Variants in CNTNAP2 observed in about 807,000 individuals in gnomAD.
The protein encoded by CNTNAP2 is contactin-associated protein-like 2.
A neutral mutation model predicts 155.2 loss-of-function variants in CNTNAP2; 98 were observed. That is an observed-to-expected ratio of 0.63 (90% CI 0.54 to 0.75). The LOEUF (loss-of-function observed/expected upper bound fraction) is 0.75, where lower values mean the gene tolerates loss of function less well. CNTNAP2 is among the 30% of genes least tolerant of loss of function. The pLI is 0.00. For missense variants in CNTNAP2, 1,727 were observed against 1,688.1 expected, an observed-to-expected ratio of 1.02 and a Z score of -0.40; for synonymous variants, 651 against 631.2, an observed-to-expected ratio of 1.03 and a Z score of -0.47.
rs887609185 is a variant in CNTNAP2, at chr7:147,977,986, G to A, written c.2380G>A (p.Asp794Asn). 4 of 1,613,866 alleles carry A rather than the reference G, an allele frequency of 2.5e-6. No homozygotes were observed. In the African/African-American group the frequency reaches 5.3e-5, roughly 22 times the overall value. Residue 794 changes from aspartate to asparagine, a missense_variant, in exon 15 of 24, where the codon GAC (aspartate) becomes AAC (asparagine). Transcript: ENST00000361727. The part of the protein sequence containing the change: ...LSVGPLRCQG[D>N]RNYWNAASFP... ...CGTAGGTCCTCTGCGCTGCCAAGGA[G>A]ACAGTAAGTTTGCATAGCAGCTATG...
chr7:147,290,313 C>G (rs926205417), intron 8 of CNTNAP2, among the ~76,000 whole-genome samples: 3 of 152,108 alleles, frequency 2.0e-5, no homozygotes, highest in Non-Finnish European at 4.4e-5. Context: ...AACTTAGGAA[C>G]ACTAAAGAGC....
At position 147,677,211 on chromosome 7, in the gene CNTNAP2, G is replaced by A. The variant is rs376533400; in HGVS notation, c.2098+37905G>A. On this transcript the variant is annotated intron_variant, in intron 13 of 23. Coordinates refer to ENST00000361727, the MANE Select transcript of CNTNAP2 (RefSeq NM_014141.6). ...GTCTTTTTGACGTTCTGAGAAGTATGAGGTCATGTCACATTGTAGTTTTAA... is the reference window on the plus strand; with the variant it reads ...GTCTTTTTGACGTTCTGAGAAGTATAAGGTCATGTCACATTGTAGTTTTAA... Among the ~76,000 whole-genome samples the A allele has an allele frequency of 3.3e-5, 5 of 151,894 alleles. 1 individual carries two copies. Among genetic ancestry groups the A allele is most frequent in the African/African-American group, 1.2e-4 (5 of 41,498 alleles).
chr7:148,023,118 T>C (rs1802314493), intron 15 of CNTNAP2, among the ~76,000 whole-genome samples: 1 of 152,174 alleles, frequency 6.6e-6, no homozygotes, highest in African/African-American at 2.4e-5. Flanking sequence ...TCATTCTGAA[T>C]TAAACCGCAG....
chr7:147,178,439 G>T, intron 8 of CNTNAP2, among the ~76,000 whole-genome samples: 1 of 152,186 alleles, frequency 6.6e-6, no homozygotes, highest in East Asian at 1.9e-4. Context: ...TGCCAACACT[G>T]GGTTTTAGTC....
chr7:147,864,308 C>G lies in CNTNAP2; in HGVS notation c.2099-39257C>G, dbSNP rs969589971. On this transcript the variant is annotated intron_variant, in intron 13 of 23. Coordinates refer to ENST00000361727, the MANE Select transcript of CNTNAP2 (RefSeq NM_014141.6). Reference sequence around the variant, plus strand: ...CTATATATCTGTTTTGGCACCAATACCATGCTGTTTTGGTTACTGTAGCCT... The same window carrying G: ...CTATATATCTGTTTTGGCACCAATAGCATGCTGTTTTGGTTACTGTAGCCT... 2.0e-5 allele frequency among the ~76,000 whole-genome samples: 3 copies of G among 152,160 alleles called. No homozygotes were observed. In the East Asian group the frequency reaches 5.8e-4, roughly 29 times the overall value.
At chr7:147,528,633 G>A (rs1799372230) in intron 11 of CNTNAP2, among the ~76,000 whole-genome samples, 1 of 152,132 alleles carries the variant, frequency 6.6e-6, no homozygotes, top group Non-Finnish European at 1.5e-5. Flanking sequence ...TTAATCATAA[G>A]ACAAATGGCC....
At chr7:147,501,597 A>G (rs1798814234) in intron 11 of CNTNAP2, among the ~76,000 whole-genome samples, 1 of 152,212 alleles carries the variant, frequency 6.6e-6, no homozygotes, top group Non-Finnish European at 1.5e-5. Flanking sequence ...TATGTGGTTC[A>G]TGAGATAATT....
At chr7:148,213,452 C>A (rs1795582775) in intron 18 of CNTNAP2, among the ~76,000 whole-genome samples, 1 of 152,108 alleles carries the variant, frequency 6.6e-6, no homozygotes, top group Non-Finnish European at 1.5e-5. Context: ...CCCTTCCCTC[C>A]CTAGGCCAGG....
At chr7:147,693,049 T>C (rs1796111298) in intron 13 of CNTNAP2, among the ~76,000 whole-genome samples, 1 of 149,992 alleles carries the variant, frequency 6.7e-6, no homozygotes, top group Non-Finnish European at 1.5e-5. Context: ...GATTATTTAT[T>C]TAGTTAGTTA....
At chr7:147,110,936 T>C (rs767261861) in intron 5 of CNTNAP2, among the ~76,000 whole-genome samples, 2 of 152,204 alleles carry the variant, frequency 1.3e-5, no homozygotes, top group African/African-American at 4.8e-5. Flanking sequence ...CTCTAGGTCT[T>C]TGAGGAATCT....
chr7:147,489,916 A>T (rs1475728079), intron 11 of CNTNAP2, among the ~76,000 whole-genome samples: 2 of 152,158 alleles, frequency 1.3e-5, no homozygotes, highest in Non-Finnish European at 2.9e-5. Flanking sequence ...TGCCTGGCCA[A>T]ACATTCTTAT....
chr7:147,180,635 T>TA (rs765448549), intron 8 of CNTNAP2, among the ~76,000 whole-genome samples: 7 of 152,016 alleles, frequency 4.6e-5, no homozygotes, highest in African/African-American at 1.7e-4. Context: ...GAGCAGCCAT[T>TA]AAAAAAATGC....
intron 8 of CNTNAP2, among the ~76,000 whole-genome samples, chr7:147,229,979 C>G (rs1161916644): frequency 1.3e-5 from 2 of 152,090 alleles, no homozygotes; most frequent in East Asian, 3.9e-4. Context: ...TACTATACAT[C>G]AAACTACGAG....
At chr7:147,916,663 C>T (rs1800168041) in intron 14 of CNTNAP2, among the ~76,000 whole-genome samples, 1 of 139,788 alleles carries the variant, frequency 7.2e-6, no homozygotes, top group Non-Finnish European at 1.5e-5. Context: ...AGAGGGAGAG[C>T]TGTTATGTTT....
At chr7:147,568,477 G>T (rs2116802863) in intron 12 of CNTNAP2, among the ~76,000 whole-genome samples, 1 of 152,222 alleles carries the variant, frequency 6.6e-6, no homozygotes, top group South Asian at 2.1e-4. Flanking sequence ...TGACATTGAG[G>T]AGAGAAGATT....
At chr7:146,198,074 TCACC>T (rs927415429) in intron 1 of CNTNAP2, among the ~76,000 whole-genome samples, 2 of 151,826 alleles carry the variant, frequency 1.3e-5, no homozygotes, top group Non-Finnish European at 2.9e-5. Context: ...ATGGGGGAAA[TCACC>T]CCCATGATCC....
At chr7:146,793,286 T>C (rs1802706894) in intron 2 of CNTNAP2, among the ~76,000 whole-genome samples, 1 of 152,208 alleles carries the variant, frequency 6.6e-6, no homozygotes, top group South Asian at 2.1e-4. Context: ...AAATGAATTA[T>C]CAGTTTTAAA....
intron 1 of CNTNAP2, among the ~76,000 whole-genome samples, chr7:146,504,091 A>C (rs1055348380): frequency 9.2e-5 from 14 of 152,246 alleles, no homozygotes; most frequent in African/African-American, 3.4e-4. Context: ...CCACTGTGTC[A>C]TGCTGTACCA....
chr7:148,238,709 T>C (rs1223620265), intron 20 of CNTNAP2, among the ~76,000 whole-genome samples: 7 of 152,172 alleles, frequency 4.6e-5, no homozygotes, highest in African/African-American at 1.7e-4. Context: ...CATACACCCA[T>C]AAAAATTCCA....
Sources: gnomAD v4.1 joint callset for allele counts (sites outside exome capture counted in the v4.1 genomes callset) on GRCh38, gnomAD v4.1.1 for gene constraint, MANE v1.5 for transcripts, NCBI Gene and HGNC (gene_info 2026-07-23, HGNC 2026-07-21) for gene names.